Variants in PDE4D observed in about 807,000 individuals in gnomAD.
PDE4D encodes phosphodiesterase 4D, also known as 3',5'-cyclic-AMP phosphodiesterase 4D.
In PDE4D, 24 loss-of-function variants were observed where a neutral mutation model predicts 87.4. The observed-to-expected ratio is 0.27, with a 90% CI of 0.20 to 0.39. The LOEUF (loss-of-function observed/expected upper bound fraction) is 0.39. PDE4D is among the 10% of genes least tolerant of loss of function. PDE4D has a pLI of 1.00. For synonymous variants in PDE4D, 384 were observed against 383.2 expected, an observed-to-expected ratio of 1.00 and a Z score of -0.02; for missense variants, 714 against 1,041.0, an observed-to-expected ratio of 0.69 and a Z score of 4.32.
intron 2 of PDE4D, among the ~76,000 whole-genome samples, chr5:60,061,043 C>A (rs528787648): frequency 6.6e-6 from 1 of 152,228 alleles, no homozygotes; most frequent in South Asian, 2.1e-4. Context: ...CCCTCTCTCT[C>A]CACTCCTATT....
chr5:60,354,704 G>A (rs929654030), intron 1 of PDE4D, among the ~76,000 whole-genome samples: 15 of 152,154 alleles, frequency 9.9e-5, no homozygotes, highest in Non-Finnish European at 2.1e-4. Flanking sequence ...ATGTTGCCCA[G>A]TACTAGGACG....
intron 1 of PDE4D, among the ~76,000 whole-genome samples, chr5:59,424,538 G>T (rs772034566): frequency 6.6e-6 from 1 of 152,152 alleles, no homozygotes; most frequent in Non-Finnish European, 1.5e-5. Flanking sequence ...AAGCAAAGGG[G>T]AAGAAAGGCA....
chr5:59,502,663 AGTGTGTGTGTGTGTGT>A (rs56100725), intron 1 of PDE4D, among the ~76,000 whole-genome samples: 27 of 135,258 alleles, frequency 2.0e-4, no homozygotes, highest in South Asian at 5.1e-4. Context: ...TCCTTAAGGT[AGTGTGTGTGTGTGTGT>A]GTGTGTGTGT....
chr5:59,398,863 G>C (rs1274220901), intron 1 of PDE4D, among the ~76,000 whole-genome samples: 1 of 123,294 alleles, frequency 8.1e-6, no homozygotes, highest in African/African-American at 3.3e-5. Flanking sequence ...TCCTTAAGCT[G>C]ATAAGCAACT....
At position 58,973,790 on chromosome 5, in the gene PDE4D, A is replaced by G. The variant is rs1262818351; in HGVS notation, c.*874T>C. The G allele has an allele frequency of 6.6e-6, 1 of 152,440 alleles. No individual in the cohort carries two copies. Among genetic ancestry groups the G allele is most frequent in the African/African-American group, 2.4e-5 (1 of 41,370 alleles). The allele number at this position is 152,440 out of a possible 1,614,324, so 9.4% of individuals were successfully genotyped here. A position where few individuals can be genotyped will look rare whatever the true frequency, so the allele number is the denominator to read the frequency against. On this transcript the variant is annotated 3_prime_UTR_variant, in exon 15 of 15. Coordinates refer to ENST00000340635, the MANE Select transcript of PDE4D (RefSeq NM_001104631.2). ...GAAACAAAATGCAAAGTAAATAATA[A>G]AGACTTACAAAAAGGGTTTCCTGCA...
intron 2 of PDE4D, among the ~76,000 whole-genome samples, chr5:60,037,966 TTG>T (rs1394334103): frequency 6.6e-6 from 1 of 152,160 alleles, no homozygotes; most frequent in Non-Finnish European, 1.5e-5. Context: ...CACCTTCATT[TTG>T]CAGATTTTGG....
intron 1 of PDE4D, among the ~76,000 whole-genome samples, chr5:60,325,609 A>AT (rs1038198325): frequency 1.3e-5 from 2 of 152,092 alleles, no homozygotes; most frequent in Admixed American, 6.5e-5. Flanking sequence ...TTTATTTTTT[A>AT]TTTTTTTATT....
chr5:60,273,144 A>G (rs1422551487), intron 1 of PDE4D, among the ~76,000 whole-genome samples: 2 of 152,188 alleles, frequency 1.3e-5, no homozygotes, highest in Non-Finnish European at 2.9e-5. Flanking sequence ...GAGGGAACTG[A>G]AGGTCAGTGT....
In PDE4D at chr5:59,519,397, T is replaced by C. The variant is rs554801967; in HGVS notation, c.456-303429A>G. Among the ~76,000 whole-genome samples the C allele has an allele frequency of 4.6e-5, 7 of 152,194 alleles. No individual in the cohort carries two copies. The South Asian group carries it at 8.3e-4, about 18-fold the overall frequency. ...GGAAAGGATTACTGCTAAAGTAACATATGAGCGATGATCTGAAGGGCAGGA... is the reference window on the plus strand; with the variant it reads ...GGAAAGGATTACTGCTAAAGTAACACATGAGCGATGATCTGAAGGGCAGGA... On this transcript the variant is annotated intron_variant, in intron 1 of 14. Coordinates refer to ENST00000340635, the MANE Select transcript of PDE4D (RefSeq NM_001104631.2).
At chr5:59,837,614 G>C (rs894021591) in intron 1 of PDE4D, among the ~76,000 whole-genome samples, 1 of 152,024 alleles carries the variant, frequency 6.6e-6, no homozygotes, top group Non-Finnish European at 1.5e-5. Flanking sequence ...TGTTAAGCAC[G>C]TATTATTTGC....
chr5:59,530,416 G>A (rs1479258026), intron 1 of PDE4D, among the ~76,000 whole-genome samples: 4 of 152,024 alleles, frequency 2.6e-5, no homozygotes, highest in African/African-American at 4.8e-5. Context: ...CAAAATCCAT[G>A]GATGCTCAAG....
chr5:59,127,464 G>A (rs1775573454), intron 5 of PDE4D, among the ~76,000 whole-genome samples: 1 of 151,626 alleles, frequency 6.6e-6, no homozygotes, highest in Non-Finnish European at 1.5e-5. Context: ...AGGTTAATGA[G>A]CCCAGGCAGC....
intron 1 of PDE4D, among the ~76,000 whole-genome samples, chr5:59,610,477 AATCCTCTTCACCAGG>A (rs1295983975): frequency 1.3e-5 from 2 of 152,190 alleles, no homozygotes; most frequent in Non-Finnish European, 2.9e-5. Flanking sequence ...AAGAATTTAA[AATCCTCTTCACCAGG>A]ATCTTATTTT....
chr5:59,471,776 CAT>C (rs1473375568), intron 1 of PDE4D, among the ~76,000 whole-genome samples: 3 of 152,182 alleles, frequency 2.0e-5, no homozygotes, highest in Admixed American at 1.3e-4. Flanking sequence ...TCTAGCAGCA[CAT>C]AGAGTGTTGT....
rs184494277 is a variant in PDE4D, at chr5:59,666,821, T to C, written c.455+226347A>G. On this transcript the variant is annotated intron_variant, in intron 1 of 14. Transcript: ENST00000340635. ...AAGTGATGGCTTATAATTAGCATGA[T>C]TGTGTTAGGGGCATGACAGATGCTG... 2.2e-3 allele frequency among the ~76,000 whole-genome samples: 329 copies of C among 152,326 alleles called. 3 individuals are homozygous for C. The highest frequency in any genetic ancestry group is 0.02 in the Admixed American group (308 of 15,302).
At chr5:60,260,567 A>G (rs1749545003) in intron 1 of PDE4D, among the ~76,000 whole-genome samples, 1 of 152,112 alleles carries the variant, frequency 6.6e-6, no homozygotes, top group African/African-American at 2.4e-5. Flanking sequence ...TCAATCTGGA[A>G]GAGAGAAGAC....
intron 1 of PDE4D, among the ~76,000 whole-genome samples, chr5:59,433,222 AAG>A (rs1402743348): frequency 6.6e-6 from 1 of 152,146 alleles, no homozygotes; most frequent in African/African-American, 2.4e-5. Flanking sequence ...TCAGAAATTG[AAG>A]AATAAGATAT....
chr5:59,372,990 A>T (rs1784168551), intron 1 of PDE4D, among the ~76,000 whole-genome samples: 1 of 149,894 alleles, frequency 6.7e-6, no homozygotes, highest in Non-Finnish European at 1.5e-5. Context: ...CAAACCCTCA[A>T]GGTCATCAAA....
At chr5:60,252,309 T>G (rs1748563731) in intron 1 of PDE4D, among the ~76,000 whole-genome samples, 1 of 151,888 alleles carries the variant, frequency 6.6e-6, no homozygotes. Flanking sequence ...GAAATATATA[T>G]TTATCATTTA....
Sources: gnomAD v4.1 joint callset for allele counts (sites outside exome capture counted in the v4.1 genomes callset) on GRCh38, gnomAD v4.1.1 for gene constraint, MANE v1.5 for transcripts, NCBI Gene and HGNC (gene_info 2026-07-23, HGNC 2026-07-21) for gene names.